ENPP3: variants seen among roughly 807,000 people sequenced by gnomAD.
The protein encoded by ENPP3 is ectonucleotide pyrophosphatase/phosphodiesterase family member 3.
A neutral mutation model predicts 117.8 loss-of-function variants in ENPP3; 104 were observed. That is an observed-to-expected ratio of 0.88 (90% confidence interval 0.75 to 1.04). The LOEUF is 1.04. Ranked by LOEUF, ENPP3 falls within the 50% of genes least tolerant of loss-of-function variation. The pLI, the probability that ENPP3 is intolerant of heterozygous loss-of-function variation, is 0.00. For synonymous variants in ENPP3, 380 were observed against 349.9 expected, an observed-to-expected ratio of 1.09 and a Z score of -0.96; for missense variants, 1,026 against 1,051.9, an observed-to-expected ratio of 0.98 and a Z score of 0.34.
intron 10 of ENPP3, among the ~76,000 whole-genome samples, chr6:131,677,650 G>A (rs755438777): frequency 3.9e-5 from 6 of 152,108 alleles, no homozygotes; most frequent in African/African-American, 7.2e-5. Flanking sequence ...CAATAGGGGC[G>A]TACCACTGCT....
chr6:131,678,795 T>G (rs1460791080), intron 11 of ENPP3, among the ~76,000 whole-genome samples: 1 of 152,226 alleles, frequency 6.6e-6, no homozygotes. Context: ...CTCTGTTGTA[T>G]TCCTGCACAG....
In ENPP3 at chr6:131,650,151, T is replaced by C. The variant is rs764199245; in HGVS notation, c.277+2T>C. On this transcript the variant is annotated splice_donor_variant, in intron 3 of 24. Coordinates refer to ENST00000357639, the MANE Select transcript of ENPP3 (RefSeq NM_005021.5). LOFTEE classifies it high-confidence loss of function. ...TTGAAGACACCTGTGTGGAATCAAG[T>C]ATGAGTTCTGAGAATAAGTTTATTA... is the stretch of plus-strand genomic sequence containing the variant. 1.9e-6 allele frequency: 3 copies of C among 1,613,940 alleles called. No homozygotes were observed. Among genetic ancestry groups the C allele is most frequent in the Non-Finnish European group, 2.5e-6 (3 of 1,179,886 alleles).
At chr6:131,712,688 T>C (rs1779814095) in intron 15 of ENPP3, among the ~76,000 whole-genome samples, 1 of 142,354 alleles carries the variant, frequency 7.0e-6, no homozygotes, top group Non-Finnish European at 1.5e-5. Context: ...CATTTCTAGG[T>C]TCTTTCTCTC....
At chr6:131,709,516 T>C in intron 15 of ENPP3, 1 of 1,613,852 alleles carries the variant, frequency 6.2e-7, no homozygotes, top group Non-Finnish European at 8.5e-7. Flanking sequence ...AGGATCTTTT[T>C]CTAAAAGTTC....
intron 14 of ENPP3, among the ~76,000 whole-genome samples, chr6:131,690,139 C>T (rs1205347701): frequency 1.3e-5 from 2 of 152,162 alleles, no homozygotes; most frequent in African/African-American, 4.8e-5. Flanking sequence ...TTAAATTATT[C>T]CATAAACTTA....
At position 131,733,624 on chromosome 6, in the gene ENPP3, T is replaced by G. The variant is rs773731722; in HGVS notation, c.1990T>G (p.Cys664Gly). The change falls in exon 21 of 25, where the codon TGT becomes GGT. Residue 664 changes from cysteine (C) to glycine (G), a missense_variant. Transcript: ENST00000357639. ...GCCTCTGCCTCCCACTGTCCCAGAC[T>G]GTCTGCGGGCTGATGTCAGGGTTCC... is the stretch of plus-strand genomic sequence containing the variant. The part of the protein sequence containing the change: ...TSPLPPTVPD[C>G]LRADVRVPPS... 6.2e-7 allele frequency: 1 copy of G among 1,614,152 alleles called. No individual in the cohort carries two copies. The highest frequency in any genetic ancestry group is 1.1e-5 in the South Asian group (1 of 91,076).
intron 20 of ENPP3, among the ~76,000 whole-genome samples, chr6:131,730,776 G>C (rs62423459): frequency 6.6e-6 from 1 of 152,032 alleles, no homozygotes; most frequent in African/African-American, 2.4e-5. Context: ...TTAGCTGGGC[G>C]TGGTGGCGCA....
chr6:131,688,697 G>A (rs1055809066), intron 14 of ENPP3, among the ~76,000 whole-genome samples: 1 of 152,136 alleles, frequency 6.6e-6, no homozygotes, highest in Non-Finnish European at 1.5e-5. Context: ...GCTGAGATGG[G>A]TGAGGAAGTT....
At chr6:131,746,663 C>T in intron 24 of ENPP3, 123 bp from the exon 25 acceptor site, 2 of 728,376 alleles carry the variant, frequency 2.7e-6, no homozygotes, top group Non-Finnish European at 4.5e-6. Flanking sequence ...TTAGCTGTAT[C>T]AAATTAAGAT....
chr6:131,709,581 T>C, intron 15 of ENPP3: 1 of 1,613,694 alleles, frequency 6.2e-7, no homozygotes, highest in Admixed American at 1.7e-5. Context: ...TTTCTTTCCT[T>C]AAATCACTGA....
chr6:131,725,977 A>T, intron 19 of ENPP3, 69 bp from the exon 20 acceptor site: 1 of 967,716 alleles, frequency 1.0e-6, no homozygotes, highest in Non-Finnish European at 1.6e-6. Flanking sequence ...TTATATGGGT[A>T]GTTATTACAT....
chr6:131,651,022 C>T (rs1027414771), intron 3 of ENPP3, among the ~76,000 whole-genome samples: 2 of 152,030 alleles, frequency 1.3e-5, no homozygotes, highest in Admixed American at 6.6e-5. Flanking sequence ...TGGGTTCAAG[C>T]GATTCTCCTG....
At chr6:131,650,351 C>G (rs1778238283) in intron 3 of ENPP3, among the ~76,000 whole-genome samples, 1 of 151,932 alleles carries the variant, frequency 6.6e-6, no homozygotes, top group Non-Finnish European at 1.5e-5. Context: ...TCCTGAGTAG[C>G]TAGGACCACA....
At chr6:131,712,174 G>T (rs1394569381) in intron 15 of ENPP3, among the ~76,000 whole-genome samples, 5 of 136,920 alleles carry the variant, frequency 3.7e-5, no homozygotes, top group East Asian at 2.2e-4. Context: ...CCAATATCTG[G>T]ATTATCTATG....
intron 20 of ENPP3, among the ~76,000 whole-genome samples, chr6:131,729,177 T>C (rs1157179504): frequency 6.6e-6 from 1 of 152,240 alleles, no homozygotes; most frequent in African/African-American, 2.4e-5. Flanking sequence ...AAGATTATTT[T>C]GTGAGTCTTT....
rs1779142614 is a variant in ENPP3, at chr6:131,685,861, T to C, written c.1253-15T>C. On this transcript the variant is annotated splice_polypyrimidine_tract_variant and intron_variant, in intron 13 of 24. Coordinates refer to ENST00000357639, the MANE Select transcript of ENPP3 (RefSeq NM_005021.5). ...TCAATTGTAATGTCATTTATTTCTT[T>C]TTCTTTTGAAACAGTTAATTCTGAG... 1.1e-6 allele frequency: 1 copy of C among 941,110 alleles called. No homozygotes were observed. Among genetic ancestry groups the C allele is most frequent in the Non-Finnish European group, 1.7e-6 (1 of 596,686 alleles). The allele number at this position is 941,110 out of a possible 1,614,324, so 58.3% of individuals were successfully genotyped here.
In ENPP3 at chr6:131,695,896, A is replaced by G. The variant is rs138619930; in HGVS notation, c.1412+2272A>G. ...GCACCACTGCACTCCAGCCTGGGCA[A>G]CAGAGCAAGACTCTGTCTCAAAAAA... On this transcript the variant is annotated intron_variant, in intron 15 of 24. Transcript: ENST00000357639. Among the ~76,000 whole-genome samples the G allele has an allele frequency of 3.2e-3, 484 of 152,106 alleles. 2 individuals are homozygous for G. The highest frequency in any genetic ancestry group is 0.011 in the African/African-American group (463 of 41,544).
At chr6:131,692,096 A>T (rs1490610649) in intron 14 of ENPP3, among the ~76,000 whole-genome samples, 1 of 151,996 alleles carries the variant, frequency 6.6e-6, no homozygotes, top group Non-Finnish European at 1.5e-5. Context: ...ATCTAAATTG[A>T]CCCTGAGATA....
intron 23 of ENPP3, 93 bp downstream of exon 23, chr6:131,738,256 A>G (rs1780444699): frequency 1.1e-6 from 1 of 951,740 alleles, no homozygotes; most frequent in Non-Finnish European, 1.6e-6. Context: ...ATATTACATA[A>G]TACATTCACA....
Sources: allele counts gnomAD v4.1 joint callset (sites outside exome capture counted in the v4.1 genomes callset), GRCh38; gene constraint gnomAD v4.1.1; transcripts MANE v1.5; gene names NCBI Gene and HGNC (gene_info 2026-07-23, HGNC 2026-07-21).